The following CLVS2 variants were observed in gnomAD, a reference collection of about 807,000 sequenced individuals.
The protein encoded by CLVS2 is clavesin 2.
CLVS2 carries 19 observed loss-of-function variants against 29.0 expected under a neutral mutation model. That is an observed-to-expected ratio of 0.66 (90% CI 0.46 to 0.96). The LOEUF (loss-of-function observed/expected upper bound fraction) is 0.96, where lower values mean the gene tolerates loss of function less well. CLVS2 is among the 40% of genes least tolerant of loss of function. The probability of loss-of-function intolerance (pLI) is 0.00; values close to 1 mark genes in which losing one functional copy is unlikely to be tolerated. For synonymous variants in CLVS2, 161 were observed against 151.3 expected (o/e 1.06, Z -0.47); for missense variants, 294 against 404.1 (o/e 0.73, Z 2.34).
intron 3 of CLVS2, among the ~76,000 whole-genome samples, chr6:123,039,647 G>A (rs1425713144): frequency 6.6e-6 from 1 of 152,158 alleles, no homozygotes; most frequent in Non-Finnish European, 1.5e-5. Flanking sequence ...TCTTCCTGTT[G>A]AGGTGTGTGG....
At chr6:123,001,657 G>C (rs1260246173) in intron 2 of CLVS2, among the ~76,000 whole-genome samples, 2 of 152,158 alleles carry the variant, frequency 1.3e-5, no homozygotes, top group African/African-American at 4.8e-5. Context: ...ATTGCATATT[G>C]TTTTCCTTCC....
At chr6:123,036,849 G>A (rs1009141968) in intron 3 of CLVS2, among the ~76,000 whole-genome samples, 2 of 152,094 alleles carry the variant, frequency 1.3e-5, no homozygotes, top group African/African-American at 4.8e-5. Flanking sequence ...CTGAAAGGAG[G>A]TGGTAGAGCT....
chr6:123,072,450 C>T lies in CLVS2; in HGVS notation c.*8689C>T, dbSNP rs919618065. 7 of 152,118 alleles carry T rather than the reference C, an allele frequency of 4.6e-5. No individual in the cohort carries two copies. Among genetic ancestry groups the T allele is most frequent in the Non-Finnish European group, 7.4e-5 (5 of 67,952 alleles). 9.4% of individuals were successfully genotyped at this position (152,118 alleles called of 1,614,324 possible). On this transcript the variant is annotated 3_prime_UTR_variant, in exon 6 of 6. Coordinates refer to ENST00000275162, the MANE Select transcript of CLVS2 (RefSeq NM_001010852.4). ...GGATAGGTAATCAGGGTTAACAGTT[C>T]GGAAAACATTCTCTAGAGAAGAGAC...
Position 123,069,158 on chromosome 6 carries a change from G to A in CLVS2, c.*5397G>A, listed in dbSNP as rs1336607021. 1 of 151,704 alleles carries A rather than the reference G, an allele frequency of 6.6e-6. No homozygotes were observed. Among genetic ancestry groups the A allele is most frequent in the Non-Finnish European group, 1.5e-5 (1 of 67,788 alleles). 9.4% of individuals were successfully genotyped at this position (151,704 alleles called of 1,614,324 possible). A position where few individuals can be genotyped will look rare whatever the true frequency, so the allele number is the denominator to read the frequency against. ...CTTCTAGTCAAACTTTCAAATGAAAGTTTGAAAGAAGTAAACTAATGTTTT... is the reference window on the plus strand; with the variant it reads ...CTTCTAGTCAAACTTTCAAATGAAAATTTGAAAGAAGTAAACTAATGTTTT... On this transcript the variant is annotated 3_prime_UTR_variant, in exon 6 of 6. Transcript: ENST00000275162.
intron 2 of CLVS2, among the ~76,000 whole-genome samples, chr6:122,999,189 A>G (rs1436684575): frequency 1.3e-5 from 2 of 152,200 alleles, no homozygotes; most frequent in Admixed American, 6.5e-5. Flanking sequence ...GGTGACTTTC[A>G]ATGCATCTGG....
intron 5 of CLVS2, among the ~76,000 whole-genome samples, chr6:123,062,799 TGCA>T (rs1448999239): frequency 2.0e-5 from 3 of 152,252 alleles, no homozygotes; most frequent in Non-Finnish European, 4.4e-5. Flanking sequence ...TTGGCTGGAA[TGCA>T]GCAGCAGGGG....
intron 3 of CLVS2, among the ~76,000 whole-genome samples, chr6:123,020,530 T>C (rs1774904422): frequency 6.6e-6 from 1 of 152,084 alleles, no homozygotes; most frequent in African/African-American, 2.4e-5. Context: ...AAATGAATAC[T>C]AGCTGCTACA....
intron 3 of CLVS2, among the ~76,000 whole-genome samples, chr6:123,012,246 A>G (rs1366434176): frequency 6.6e-6 from 1 of 152,002 alleles, no homozygotes; most frequent in African/African-American, 2.4e-5. Context: ...GCATAAGATA[A>G]TGCATGTTTG....
At chr6:123,034,461 A>G (rs1012003730) in intron 3 of CLVS2, among the ~76,000 whole-genome samples, 1 of 152,174 alleles carries the variant, frequency 6.6e-6, no homozygotes, top group African/African-American at 2.4e-5. Context: ...AGAAAAGCCA[A>G]TCTCAAAAGG....
At chr6:123,051,589 T>C (rs550652230) in intron 4 of CLVS2, among the ~76,000 whole-genome samples, 27 of 152,282 alleles carry the variant, frequency 1.8e-4, no homozygotes, top group African/African-American at 6.0e-4. Flanking sequence ...GGGAAACAGG[T>C]TTTCCTACTA....
chr6:123,029,080 C>A (rs1775045398), intron 3 of CLVS2, among the ~76,000 whole-genome samples: 1 of 152,182 alleles, frequency 6.6e-6, no homozygotes, highest in African/African-American at 2.4e-5. Flanking sequence ...GAGACCCTCA[C>A]CAGAACCTGG....
chr6:123,069,166 G>C lies in CLVS2; in HGVS notation c.*5405G>C, dbSNP rs989012381. ...CAAACTTTCAAATGAAAGTTTGAAA[G>C]AAGTAAACTAATGTTTTAATTACAT... On this transcript the variant is annotated 3_prime_UTR_variant, in exon 6 of 6. Transcript: ENST00000275162. 1 of 151,652 alleles carries C rather than the reference G, an allele frequency of 6.6e-6. No individual in the cohort carries two copies. Among genetic ancestry groups the C allele is most frequent in the Non-Finnish European group, 1.5e-5 (1 of 67,784 alleles). The allele number at this position is 151,652 out of a possible 1,614,324, so 9.4% of individuals were successfully genotyped here. A position where few individuals can be genotyped will look rare whatever the true frequency, so the allele number is the denominator to read the frequency against.
chr6:123,016,931 T>A (rs765817618), intron 3 of CLVS2, among the ~76,000 whole-genome samples: 1 of 152,080 alleles, frequency 6.6e-6, no homozygotes, highest in Non-Finnish European at 1.5e-5. Flanking sequence ...ACCTAGGGAA[T>A]CTTGCCAAAA....
In CLVS2 at chr6:123,011,135, G is replaced by A. The variant is rs980239020; in HGVS notation, c.540G>A (p.Leu180=). 4 of 1,585,112 alleles carry A rather than the reference G, an allele frequency of 2.5e-6. No homozygotes were observed. Among genetic ancestry groups the A allele is most frequent in the Non-Finnish European group, 3.4e-6 (4 of 1,164,178 alleles). ...CCTCTAAACTCACACCAAGTATGCTGCGATTAGCTATTGAAGGCCTGCAGG... is the reference window on the plus strand; with the variant it reads ...CCTCTAAACTCACACCAAGTATGCTACGATTAGCTATTGAAGGCCTGCAGG... ...KQASKLTPSM[L]RLAIEGLQDS... Residue 180 remains leucine (L), a synonymous_variant, in exon 3 of 6, where the codon CTG becomes CTA. Coordinates refer to ENST00000275162, the MANE Select transcript of CLVS2 (RefSeq NM_001010852.4).
intron 3 of CLVS2, among the ~76,000 whole-genome samples, chr6:123,018,041 A>G (rs922505095): frequency 6.6e-6 from 1 of 152,128 alleles, no homozygotes; most frequent in African/African-American, 2.4e-5. Flanking sequence ...TTCAAATAAT[A>G]GAACAATTGA....
intron 3 of CLVS2, among the ~76,000 whole-genome samples, chr6:123,048,052 T>C (rs773880921): frequency 3.9e-5 from 6 of 152,146 alleles, no homozygotes; most frequent in Non-Finnish European, 5.9e-5. Context: ...AGTACAACTC[T>C]GCATTTTTAT....
chr6:123,054,170 T>C (rs975729660), intron 4 of CLVS2, among the ~76,000 whole-genome samples: 2 of 152,208 alleles, frequency 1.3e-5, no homozygotes, highest in Non-Finnish European at 2.9e-5. Flanking sequence ...ATGATCCCAT[T>C]TGATAAAATA....
intron 4 of CLVS2, among the ~76,000 whole-genome samples, chr6:123,052,635 G>C (rs982807768): frequency 6.6e-6 from 1 of 152,158 alleles, no homozygotes; most frequent in Non-Finnish European, 1.5e-5. Context: ...TTGGATTTGG[G>C]ATACATTTTG....
chr6:123,000,548 C>T (rs1459018868), intron 2 of CLVS2, among the ~76,000 whole-genome samples: 2 of 152,126 alleles, frequency 1.3e-5, no homozygotes, highest in Non-Finnish European at 2.9e-5. Context: ...TCCCTTTCCT[C>T]TACCCCGAAG....
Sources: gnomAD v4.1 joint callset for allele counts (sites outside exome capture counted in the v4.1 genomes callset) on GRCh38, gnomAD v4.1.1 for gene constraint, MANE v1.5 for transcripts, NCBI Gene and HGNC (gene_info 2026-07-23, HGNC 2026-07-21) for gene names.